NOX4: variants seen among roughly 807,000 people sequenced by gnomAD.
NOX4 encodes the protein kidney oxidase-1.
Under a neutral mutation model 87.6 loss-of-function variants are expected in NOX4, and 69 were observed. That is an observed-to-expected ratio of 0.79 (90% CI 0.65 to 0.96). NOX4 has a LOEUF of 0.96. Ranked by LOEUF, NOX4 falls within the 40% of genes least tolerant of loss-of-function variation. NOX4 has a pLI of 0.00. For missense variants in NOX4, 680 were observed against 681.5 expected, an observed-to-expected ratio of 1.00 and a Z score of 0.02; for synonymous variants, 275 against 238.2, an observed-to-expected ratio of 1.15 and a Z score of -1.42.
chr11:89,342,827 G>C (rs1946062990), intron 13 of NOX4, among the ~76,000 whole-genome samples: 1 of 152,146 alleles, frequency 6.6e-6, no homozygotes. Context: ...GTGTGTGTGA[G>C]ACAGAGAGAG....
chr11:89,488,964 A>T, intron 2 of NOX4: 1 of 702,118 alleles, frequency 1.4e-6, no homozygotes, highest in Non-Finnish European at 2.6e-6. Flanking sequence ...CTGGGTGCCC[A>T]TCTGAAATGT....
At chr11:89,465,979 A>G (rs1376315270) in intron 2 of NOX4, among the ~76,000 whole-genome samples, 1 of 152,112 alleles carries the variant, frequency 6.6e-6, no homozygotes, top group Non-Finnish European at 1.5e-5. Context: ...TGCACAGCAA[A>G]AGGATTAATG....
rs374857882 is a variant in NOX4 at position 89,491,127 on chromosome 11, A to G, written c.57+63T>C. On this transcript the variant is annotated intron_variant, in intron 1 of 17. Coordinates refer to ENST00000263317, the MANE Select transcript of NOX4 (RefSeq NM_016931.5). Reference sequence around the variant, plus strand: ...CAGCTTCCCACCCGTGCACGCTCAGAGAATGAATCAAAATCACTGCAGGAC... The same window carrying G: ...CAGCTTCCCACCCGTGCACGCTCAGGGAATGAATCAAAATCACTGCAGGAC... 1.4e-5 allele frequency: 21 copies of G among 1,500,464 alleles called. No homozygotes were observed. The African/African-American group carries it at 2.9e-4, about 21-fold the overall frequency. 92.9% of individuals were successfully genotyped at this position (1,500,464 alleles called of 1,614,324 possible). A position where few individuals can be genotyped will look rare whatever the true frequency, so the allele number is the denominator to read the frequency against.
intron 2 of NOX4, among the ~76,000 whole-genome samples, chr11:89,482,152 G>A (rs751386854): frequency 7.2e-5 from 11 of 151,964 alleles, no homozygotes; most frequent in Non-Finnish European, 1.5e-4. Context: ...AATAAAGCTC[G>A]ACAAACCTCT....
chr11:89,365,306 C>G (rs1351373864), intron 12 of NOX4, among the ~76,000 whole-genome samples: 1 of 151,950 alleles, frequency 6.6e-6, no homozygotes, highest in East Asian at 1.9e-4. Context: ...TTAAAAAAAT[C>G]AAAAGCAGTT....
chr11:89,575,290 C>G, the NOX4 span, among the ~76,000 whole-genome samples: 3 of 151,750 alleles, frequency 2.0e-5, no homozygotes, highest in Non-Finnish European at 4.4e-5. Flanking sequence ...TAATTTTACA[C>G]TGATATTTTA....
the NOX4 span, among the ~76,000 whole-genome samples, chr11:89,556,610 T>C: frequency 6.6e-6 from 1 of 152,070 alleles, no homozygotes; most frequent in Non-Finnish European, 1.5e-5. Context: ...GGGGAGTTAT[T>C]TGAAGAAACA....
intron 11 of NOX4, among the ~76,000 whole-genome samples, chr11:89,389,987 TAG>T (rs1941016549): frequency 6.6e-6 from 1 of 152,160 alleles, no homozygotes; most frequent in Non-Finnish European, 1.5e-5. Flanking sequence ...GGCACTTAAT[TAG>T]TAGGTACTAT....
At chr11:89,463,178 T>C (rs905609794) in intron 2 of NOX4, among the ~76,000 whole-genome samples, 1 of 151,968 alleles carries the variant, frequency 6.6e-6, no homozygotes, top group East Asian at 1.9e-4. Flanking sequence ...TGAATGCCTG[T>C]CATATAGCAA....
At chr11:89,443,359 T>G (rs1238384221) in intron 5 of NOX4, 2 of 151,588 alleles carry the variant, frequency 1.3e-5, no homozygotes, top group African/African-American at 4.8e-5. Flanking sequence ...GGAAAAAAGT[T>G]AATAAGTCAC....
At chr11:89,396,376 G>T (rs1941485464) in intron 11 of NOX4, among the ~76,000 whole-genome samples, 1 of 152,138 alleles carries the variant, frequency 6.6e-6, no homozygotes, top group Non-Finnish European at 1.5e-5. Flanking sequence ...CTTCGCTGAA[G>T]TTGCTTATCA....
chr11:89,435,229 G>T (rs1434944519), intron 6 of NOX4, among the ~76,000 whole-genome samples: 2 of 152,010 alleles, frequency 1.3e-5, no homozygotes, highest in Non-Finnish European at 2.9e-5. Flanking sequence ...ATAACTAAAT[G>T]ATAGAATCCC....
chr11:89,529,856 G>A, the NOX4 span, among the ~76,000 whole-genome samples: 2 of 152,090 alleles, frequency 1.3e-5, no homozygotes, highest in Non-Finnish European at 2.9e-5. Flanking sequence ...ACAAAGATTG[G>A]ACATAATGAA....
the NOX4 span, among the ~76,000 whole-genome samples, chr11:89,582,655 C>T: frequency 6.6e-6 from 1 of 152,186 alleles, no homozygotes; most frequent in African/African-American, 2.4e-5. Flanking sequence ...GTGACCCCAG[C>T]TTCTCTAAGA....
intron 12 of NOX4, among the ~76,000 whole-genome samples, chr11:89,366,780 G>A (rs1312883970): frequency 6.6e-6 from 1 of 151,320 alleles, no homozygotes; most frequent in Non-Finnish European, 1.5e-5. Context: ...TTGGGTTTGT[G>A]AAATGGCTGG....
At chr11:89,540,586 G>C in the NOX4 span, among the ~76,000 whole-genome samples, 2 of 151,686 alleles carry the variant, frequency 1.3e-5, no homozygotes, top group Non-Finnish European at 2.9e-5. Context: ...AGGAGATCCA[G>C]ACCATCCTGG....
intron 11 of NOX4, among the ~76,000 whole-genome samples, chr11:89,386,591 C>G (rs573265521): frequency 6.6e-6 from 1 of 152,258 alleles, no homozygotes; most frequent in East Asian, 1.9e-4. Context: ...TCTCTCCTAG[C>G]CATTTCTAAT....
At chr11:89,564,065 G>A in the NOX4 span, among the ~76,000 whole-genome samples, 5 of 152,152 alleles carry the variant, frequency 3.3e-5, no homozygotes, top group Non-Finnish European at 7.4e-5. Flanking sequence ...TGTGGTTGGG[G>A]AGGAACACAT....
intron 13 of NOX4, among the ~76,000 whole-genome samples, chr11:89,354,479 T>A (rs969859256): frequency 7.2e-5 from 11 of 152,146 alleles, no homozygotes; most frequent in Non-Finnish European, 1.5e-4. Flanking sequence ...TTCCCCTGTT[T>A]TCAATACGAT....
Sources: gnomAD v4.1 joint callset for allele counts (sites outside exome capture counted in the v4.1 genomes callset) on GRCh38, gnomAD v4.1.1 for gene constraint, MANE v1.5 for transcripts, NCBI Gene and HGNC (gene_info 2026-07-23, HGNC 2026-07-21) for gene names.